Variants in CERS5 observed in about 807,000 individuals in gnomAD.
CERS5 encodes ceramide synthase 5.
A neutral mutation model predicts 58.9 loss-of-function variants in CERS5; 37 were observed. The observed-to-expected ratio is 0.63, with a 90% CI of 0.48 to 0.83. The LOEUF is 0.83. Among genes scored for constraint, CERS5 ranks in the 40% least tolerant of loss-of-function variants. The pLI, the probability that CERS5 is intolerant of heterozygous loss-of-function variation, is 0.00. For missense variants in CERS5, 398 were observed against 489.3 expected, an observed-to-expected ratio of 0.81 and a Z score of 1.76; for synonymous variants, 147 against 177.8, an observed-to-expected ratio of 0.83 and a Z score of 1.38.
intron 2 of CERS5, 35 bp downstream of exon 2, chr12:50,143,917 T>C (rs768359993): frequency 2.3e-6 from 3 of 1,298,684 alleles, no homozygotes; most frequent in Non-Finnish European, 2.2e-6. Context: ...CAACGCCTTA[T>C]GTGAATATTC....
In CERS5 at chr12:50,167,269, C is replaced by T; in HGVS notation, c.29G>A (p.Ser10Asn). 6.4e-7 allele frequency: 1 copy of T among 1,572,732 alleles called. No individual in the cohort carries two copies. Among genetic ancestry groups the T allele is most frequent in the Non-Finnish European group, 8.6e-7 (1 of 1,166,054 alleles). ...GCTCCACAGCCAGCCCCACAGCAAG[C>T]TTAGGGGTCCCTGCGCTGCTGTCGC... is the stretch of plus-strand genomic sequence containing the variant. MATAAQGPL[S>N]LLWGWLWSER... is the part of the protein sequence containing the mutation. The change falls in exon 1 of 10, where the codon AGC becomes AAC. Residue 10 changes from serine to asparagine, a missense_variant. Physicochemically the swap from Ser to Asn is conservative, Grantham distance 46. Around this residue, in one of 3 missense-constraint regions of CERS5, gnomAD observed 328 missense variants for 384.5 expected, o/e 0.85. Coordinates refer to ENST00000317551, the MANE Select transcript of CERS5 (RefSeq NM_147190.5).
In CERS5 at chr12:50,143,054, C is replaced by T; in HGVS notation, c.434+20G>A. On this transcript the variant is annotated intron_variant, in intron 3 of 9. Coordinates refer to ENST00000317551, the MANE Select transcript of CERS5 (RefSeq NM_147190.5). ...TCCCACCGTCTTCCTTATTCCCTCC[C>T]TCCCTCCTTGCGTACTTACATGCTT... 1 of 1,586,082 alleles carries T rather than the reference C, an allele frequency of 6.3e-7. No individual in the cohort carries two copies. The highest frequency in any genetic ancestry group is 8.6e-7 in the Non-Finnish European group (1 of 1,163,254).
intron 1 of CERS5, among the ~76,000 whole-genome samples, chr12:50,153,071 AAAT>A (rs1009381183): frequency 3.3e-5 from 5 of 151,836 alleles, no homozygotes; most frequent in South Asian, 4.2e-4. Flanking sequence ...CTTTGTCTCA[AAAT>A]AATAATAATA....
At chr12:50,159,994 C>T (rs892144306) in intron 1 of CERS5, among the ~76,000 whole-genome samples, 2 of 152,018 alleles carry the variant, frequency 1.3e-5, no homozygotes, top group African/African-American at 4.8e-5. Flanking sequence ...GTCAAAAGTA[C>T]TGTCAATATG....
rs545243531 is a variant in CERS5, at chr12:50,154,086, G to A, written c.198-10029C>T. 3.5e-5 allele frequency: 9 copies of A among 255,096 alleles called. No individual in the cohort carries two copies. The East Asian group carries it at 6.5e-4, about 19-fold the overall frequency. 15.8% of individuals were successfully genotyped at this position (255,096 alleles called of 1,614,324 possible). On this transcript the variant is annotated intron_variant, in intron 1 of 9. Coordinates refer to ENST00000317551, the MANE Select transcript of CERS5 (RefSeq NM_147190.5). ...AAGAAACTGCTACTTGTGGCTGGGC[G>A]TGGCACGCCTGTAATCCCAGCACTT...
intron 1 of CERS5, among the ~76,000 whole-genome samples, chr12:50,164,440 T>C (rs532280391): frequency 6.6e-6 from 1 of 151,934 alleles, no homozygotes; most frequent in African/African-American, 2.4e-5. Context: ...AAAACAACAA[T>C]AAGAGTGGAG....
chr12:50,153,023 T>A (rs1428084506), intron 1 of CERS5, among the ~76,000 whole-genome samples: 1 of 151,896 alleles, frequency 6.6e-6, no homozygotes, highest in Non-Finnish European at 1.5e-5. Flanking sequence ...TGAGCTGAGA[T>A]CCTGCCACTG....
chr12:50,135,492 C>T (rs763830385), intron 8 of CERS5: 16 of 686,846 alleles, frequency 2.3e-5, no homozygotes, highest in South Asian at 1.9e-4. Flanking sequence ...GCCAACCAAG[C>T]CGGGTACTCT....
At chr12:50,132,679 A>T (rs1283864259) in intron 9 of CERS5, among the ~76,000 whole-genome samples, 3 of 152,144 alleles carry the variant, frequency 2.0e-5, no homozygotes, top group African/African-American at 7.2e-5. Context: ...TAGATGACTA[A>T]CTGATTACCT....
intron 1 of CERS5, among the ~76,000 whole-genome samples, chr12:50,160,028 G>C (rs1344849208): frequency 1.2e-4 from 18 of 152,072 alleles, no homozygotes. Context: ...ATTGAGACCA[G>C]GTGTGGTGGC....
At chr12:50,160,496 A>C (rs1162046907) in intron 1 of CERS5, among the ~76,000 whole-genome samples, 1 of 152,092 alleles carries the variant, frequency 6.6e-6, no homozygotes, top group Non-Finnish European at 1.5e-5. Context: ...AAGTAATAAG[A>C]GAGAAGAGGG....
chr12:50,140,861 G>A (rs11611303), intron 4 of CERS5, among the ~76,000 whole-genome samples: 1 of 141,090 alleles, frequency 7.1e-6, no homozygotes, highest in Non-Finnish European at 1.5e-5. Context: ...TTTTTGCCTA[G>A]GGTTTAGGTC....
chr12:50,154,433 TA>T (rs1223792555), intron 1 of CERS5: 1 of 157,742 alleles, frequency 6.3e-6, no homozygotes, highest in Non-Finnish European at 1.4e-5. Flanking sequence ...AAAGGGCTAT[TA>T]AAATACTTCC....
intron 5 of CERS5, 48 bp from the exon 6 acceptor site, chr12:50,137,868 A>C (rs745501333): frequency 6.4e-6 from 8 of 1,241,870 alleles, no homozygotes; most frequent in Non-Finnish European, 8.2e-6. Flanking sequence ...TCAAAGGTGC[A>C]TTCCATCTCT....
intron 6 of CERS5, among the ~76,000 whole-genome samples, chr12:50,136,983 A>C (rs1951728479): frequency 1.3e-5 from 2 of 152,194 alleles, no homozygotes; most frequent in East Asian, 3.8e-4. Flanking sequence ...AAAGGCATAA[A>C]AATTGAGTAT....
Position 50,130,646 on chromosome 12 carries a change from CT to C in CERS5, c.1077del (p.Asp360MetfsTer2). 6.2e-7 allele frequency: 1 copy of C among 1,611,990 alleles called. No homozygotes were observed. The highest frequency in any genetic ancestry group is 1.7e-4 in the Middle Eastern group (1 of 6,036). On this transcript the variant is annotated frameshift_variant, in exon 10 of 10. Transcript: ENST00000317551. LOFTEE classifies it high-confidence loss of function. ...RSDVESSSEE[E>X]DVTTCTKSPC... ...GGACTTTTTGTGCAGGTGGTCACAT[CT>C]TCTTCCTCTGAGCTGCTCTCCACAT... is the stretch of plus-strand genomic sequence containing the variant.
At chr12:50,149,463 A>G (rs533043180) in intron 1 of CERS5, among the ~76,000 whole-genome samples, 25 of 152,348 alleles carry the variant, frequency 1.6e-4, no homozygotes, top group African/African-American at 6.0e-4. Context: ...GAAATTACCT[A>G]GTGCTTTCGC....
chr12:50,155,653 C>T (rs1360881876), intron 1 of CERS5, among the ~76,000 whole-genome samples: 5 of 138,354 alleles, frequency 3.6e-5, no homozygotes, highest in Non-Finnish European at 7.6e-5. Flanking sequence ...AGGAGAATGG[C>T]GTGAACCCGG....
At position 50,138,598 on chromosome 12, in the gene CERS5, A is replaced by G. The variant is rs1229349533; in HGVS notation, c.512T>C (p.Ile171Thr). Residue 171 changes from isoleucine (I) to threonine (T), a missense_variant, in exon 5 of 10, where the codon ATC (isoleucine) becomes ACC (threonine). Ile to Thr is a moderately conservative substitution (Grantham distance 89). Transcript: ENST00000317551. ...FLWSSPWFWDIRQCWHNYPFQ... is the reference protein window; with the variant it reads ...FLWSSPWFWDTRQCWHNYPFQ... Reference sequence around the variant, plus strand: ...TGGATAGTTATGCCAGCACTGTCGGATGTCCCAGAACCAAGGTGACTAAGA... The same window carrying G: ...TGGATAGTTATGCCAGCACTGTCGGGTGTCCCAGAACCAAGGTGACTAAGA... 4 of 1,613,810 alleles carry G rather than the reference A, an allele frequency of 2.5e-6. No homozygotes were observed. Among genetic ancestry groups the G allele is most frequent in the South Asian group, 2.2e-5 (2 of 91,076 alleles).
Sources: allele counts gnomAD v4.1 joint callset (sites outside exome capture counted in the v4.1 genomes callset), GRCh38; gene constraint gnomAD v4.1.1; regional missense constraint gnomAD v4.1.1; transcripts MANE v1.5; gene names NCBI Gene and HGNC (gene_info 2026-07-23, HGNC 2026-07-21).